The following NT5DC4 variants were observed in gnomAD, a reference collection of about 807,000 sequenced individuals.
NT5DC4 encodes the protein 5'-nucleotidase domain-containing protein 4.
Under a neutral mutation model 26.6 loss-of-function variants are expected in NT5DC4, and 44 were observed. The ratio of observed to expected loss-of-function variants is 1.65; its 90% CI spans 1.30 to 2.13. The LOEUF (loss-of-function observed/expected upper bound fraction) is 2.13. Among genes scored for constraint, NT5DC4 ranks in the 30% most tolerant of loss-of-function variants. NT5DC4 has a pLI of 0.00. For synonymous variants in NT5DC4, 157 were observed against 86.7 expected (o/e 1.81, Z -4.51); for missense variants, 399 against 228.1 (o/e 1.75, Z -4.83).
At position 112,727,059 on chromosome 2, in the gene NT5DC4, T is replaced by C. The variant is rs77580969; in HGVS notation, c.1266+321T>C. ...CCCTTATTGACTGACTAGCCAGTTC[T>C]GATAGGAAATGTGATTTAGGGCCAG... On this transcript the variant is annotated intron_variant, in intron 15 of 16. Coordinates refer to ENST00000688554, the MANE Select transcript of NT5DC4 (RefSeq NM_001393655.1). The C allele has an allele frequency of 5.2e-3, 1,956 of 378,978 alleles. 34 individuals are homozygous for C. The highest frequency in any genetic ancestry group is 0.036 in the African/African-American group (1,789 of 49,748). 23.5% of individuals were successfully genotyped at this position (378,978 alleles called of 1,614,324 possible). A position where few individuals can be genotyped will look rare whatever the true frequency, so the allele number is the denominator to read the frequency against.
At chr2:112,738,723 C>A in intron 16 of NT5DC4, 190 bp from the exon 17 acceptor site, 1 of 744,468 alleles carries the variant, frequency 1.3e-6, no homozygotes, top group Admixed American at 2.4e-5. Context: ...CCATAATCTG[C>A]ATCCATGATG....
At chr2:112,722,426 C>G in intron 4 of NT5DC4, 57 bp from the exon 5 acceptor site, 2 of 715,608 alleles carry the variant, frequency 2.8e-6, no homozygotes, top group African/African-American at 1.7e-5. Flanking sequence ...GAAGGGATGG[C>G]CAGAGCCTGG....
chr2:112,725,147 C>G (rs1677533509), intron 11 of NT5DC4, 27 bp from the exon 12 acceptor site: 1 of 708,976 alleles, frequency 1.4e-6, no homozygotes, highest in Non-Finnish European at 2.6e-6. Flanking sequence ...GTTCTCCTGG[C>G]TCCAGGGCAC....
chr2:112,720,089 A>G (rs1420493018), upstream of NT5DC4, among the ~76,000 whole-genome samples: 1 of 141,844 alleles, frequency 7.1e-6, no homozygotes, highest in African/African-American at 2.7e-5. Context: ...TCTGTTGCCC[A>G]GCCTGGAGTG....
intron 4 of NT5DC4, 91 bp downstream of exon 4, chr2:112,722,369 G>A (rs1455735073): frequency 3.4e-5 from 24 of 711,958 alleles, no homozygotes; most frequent in African/African-American, 1.2e-4. Context: ...GAGGAAGGAC[G>A]CAGGCCCACG....
upstream of NT5DC4, among the ~76,000 whole-genome samples, chr2:112,719,942 CTTTCTTTCT>C (rs1435840317): frequency 1.0e-5 from 1 of 96,426 alleles, no homozygotes; most frequent in Non-Finnish European, 2.0e-5. Context: ...TTCTTTCTTT[CTTTCTTTCT>C]TTCTTTCTTT....
At chr2:112,742,575 G>A, downstream of NT5DC4, 1 of 716,298 alleles carries the variant, frequency 1.4e-6, no homozygotes, top group South Asian at 1.5e-5. Flanking sequence ...GGCTGAAAGG[G>A]CCAGGTCATG....
rs1228802873 is a variant in NT5DC4, at chr2:112,726,189, G to C, written c.1154-49G>C. ...CAGACACAGGCAGGCAGGGCCAGTGGGTGACACAGGCCGTCACTCACCCCC... is the reference window on the plus strand; with the variant it reads ...CAGACACAGGCAGGCAGGGCCAGTGCGTGACACAGGCCGTCACTCACCCCC... On this transcript the variant is annotated intron_variant, in intron 13 of 16. Transcript: ENST00000688554. 3 of 716,738 alleles carry C rather than the reference G, an allele frequency of 4.2e-6. No homozygotes were observed. In the South Asian group the frequency reaches 4.4e-5, roughly 11 times the overall value. The allele number at this position is 716,738 out of a possible 1,614,324, so 44.4% of individuals were successfully genotyped here.
intron 16 of NT5DC4, chr2:112,731,223 T>G (rs994072191): frequency 6.6e-6 from 1 of 151,796 alleles, no homozygotes; most frequent in Non-Finnish European, 1.5e-5. Context: ...AAAGCAACTG[T>G]ATTGAAATCT....
chr2:112,725,441 G>T lies in NT5DC4; in HGVS notation c.1042G>T (p.Gly348Trp), dbSNP rs1210087590. 10 of 717,064 alleles carry T rather than the reference G, an allele frequency of 1.4e-5. No individual in the cohort carries two copies. Among genetic ancestry groups the T allele is most frequent in the Non-Finnish European group, 1.8e-5 (7 of 384,984 alleles). 44.4% of individuals were successfully genotyped at this position (717,064 alleles called of 1,614,324 possible). ...TCGGGGGATGGACATCCTGTACATT[G>T]GGGACCACATTTTTGGGGACATTCT... ...GVRGMDILYI[G>W]DHIFGDILKS... is the part of the protein sequence containing the mutation. The change falls in exon 13 of 17, where the codon GGG becomes TGG. Residue 348 changes from glycine to tryptophan, a missense_variant. Transcript: ENST00000688554.
At chr2:112,721,782 G>A (rs1163749588) in intron 1 of NT5DC4, 36 bp from the exon 2 acceptor site, 3 of 717,052 alleles carry the variant, frequency 4.2e-6, no homozygotes, top group African/African-American at 3.5e-5. Context: ...TGGGGGGCTG[G>A]TGGACTGATG....
At chr2:112,721,654 G>A (rs1676877068) in intron 1 of NT5DC4, 164 bp from the exon 2 acceptor site, 3 of 716,136 alleles carry the variant, frequency 4.2e-6, no homozygotes, top group Admixed American at 2.0e-5. Flanking sequence ...ACACACATGG[G>A]TCCAGGCAGG....
chr2:112,733,369 T>A (rs1473484729), intron 16 of NT5DC4, among the ~76,000 whole-genome samples: 2 of 151,790 alleles, frequency 1.3e-5, no homozygotes, highest in African/African-American at 4.8e-5. Context: ...TCATCTCCCA[T>A]TTCTGGAAGA....
intron 16 of NT5DC4, among the ~76,000 whole-genome samples, chr2:112,730,573 G>C (rs1024926298): frequency 6.6e-6 from 1 of 152,134 alleles, no homozygotes; most frequent in African/African-American, 2.4e-5. Flanking sequence ...ACCCGCGTCT[G>C]AGCTGAGACA....
At position 112,729,636 on chromosome 2, in the gene NT5DC4, G is replaced by A. The variant is rs143836861; in HGVS notation, c.1276G>A (p.Glu426Lys). ...GCATTTATCCCTACAGATGCCACAT[G>A]AGTCAGTTGTGGAGCAAGAACAGGC... ...FTKREIQMPH[E>K]SVVEQEQANL... is the part of the protein sequence containing the mutation. The change falls in exon 16 of 17, where the codon GAG (glutamate) becomes AAG (lysine). Residue 426 changes from glutamate (E) to lysine (K), a missense_variant. By Grantham distance (56) the Glu-to-Lys change is moderately conservative. Transcript: ENST00000688554. 7 of 717,758 alleles carry A rather than the reference G, an allele frequency of 9.8e-6. No individual in the cohort carries two copies. Among genetic ancestry groups the A allele is most frequent in the Non-Finnish European group, 1.8e-5 (7 of 385,180 alleles). 44.5% of individuals were successfully genotyped at this position (717,758 alleles called of 1,614,324 possible).
downstream of NT5DC4, chr2:112,742,559 G>A: frequency 1.4e-6 from 1 of 708,336 alleles, no homozygotes; most frequent in Non-Finnish European, 2.6e-6. Context: ...GTCAGCTGAT[G>A]ACAATGGCTG....
chr2:112,723,296 G>T (rs898497700), intron 7 of NT5DC4, 122 bp downstream of exon 7: 2 of 705,068 alleles, frequency 2.8e-6, no homozygotes, highest in South Asian at 3.0e-5. Flanking sequence ...CTGAGGTCTG[G>T]TCTGGGCTTC....
chr2:112,726,978 A>C, intron 15 of NT5DC4: 1 of 565,258 alleles, frequency 1.8e-6, no homozygotes, highest in Non-Finnish European at 3.2e-6. Context: ...CTTTGCCTCC[A>C]GTCCCACAGT....
At chr2:112,737,333 A>T (rs1168249192) in intron 16 of NT5DC4, 1 of 152,196 alleles carries the variant, frequency 6.6e-6, no homozygotes, top group African/African-American at 2.4e-5. Flanking sequence ...GCCCCAGTCT[A>T]CACGCCCACA....
Sources: gnomAD v4.1 joint callset for allele counts (sites outside exome capture counted in the v4.1 genomes callset) on GRCh38, gnomAD v4.1.1 for gene constraint, MANE v1.5 for transcripts, NCBI Gene and HGNC (gene_info 2026-07-23, HGNC 2026-07-21) for gene names.